The following SHROOM4 variants were observed in gnomAD, a reference collection of about 807,000 sequenced individuals.
The protein encoded by SHROOM4 is shroom family member 4, also known as protein Shroom4.
Under a neutral mutation model 80.3 loss-of-function variants are expected in SHROOM4, and 17 were observed. That is an observed-to-expected ratio of 0.21 (90% confidence interval 0.14 to 0.32). The LOEUF is 0.32. Among genes scored for constraint, SHROOM4 ranks in the 10% least tolerant of loss-of-function variants. SHROOM4 has a pLI of 1.00. For missense variants in SHROOM4, 993 were observed against 1,140.3 expected (o/e 0.87, Z 1.86); for synonymous variants, 400 against 437.5 (o/e 0.91, Z 1.07).
At chrX:50,670,614 G>T (rs1393515932) in intron 2 of SHROOM4, among the ~76,000 whole-genome samples, 2 of 111,305 alleles carry the variant, frequency 1.8e-5, no homozygotes, top group African/African-American at 6.5e-5. Context: ...TAATCCTTTG[G>T]GTATATACCC....
chrX:50,651,664 T>C (rs148798593), intron 2 of SHROOM4, among the ~76,000 whole-genome samples: 1,899 of 111,631 alleles, frequency 0.017, 39 homozygotes, highest in African/African-American at 0.059. Context: ...ACACGTGTCA[T>C]GGTGGTTTGA....
intron 1 of SHROOM4, among the ~76,000 whole-genome samples, chrX:50,726,287 G>A (rs1934241568): frequency 8.9e-6 from 1 of 112,348 alleles, no homozygotes; most frequent in Non-Finnish European, 1.9e-5. Flanking sequence ...TAAAAGGGAA[G>A]TAGAGCATAA....
chrX:50,796,453 G>C (rs782182644), intron 1 of SHROOM4, among the ~76,000 whole-genome samples: 2 of 111,498 alleles, frequency 1.8e-5, no homozygotes, highest in Non-Finnish European at 3.8e-5. Context: ...GAGGTGGGGA[G>C]ACACTGGGAA....
At chrX:50,689,234 G>A (rs1338038008) in intron 2 of SHROOM4, among the ~76,000 whole-genome samples, 1 of 111,349 alleles carries the variant, frequency 9.0e-6, no homozygotes, top group Non-Finnish European at 1.9e-5. Flanking sequence ...AAAAATGGAA[G>A]TGAAAGAATA....
At chrX:50,682,007 G>A (rs1932949139) in intron 2 of SHROOM4, among the ~76,000 whole-genome samples, 1 of 111,743 alleles carries the variant, frequency 8.9e-6, no homozygotes, top group Admixed American at 9.5e-5. Context: ...TAATTATTGA[G>A]TCATTTTTTT....
chrX:50,717,610 G>A (rs1391082303), intron 1 of SHROOM4, among the ~76,000 whole-genome samples: 1 of 111,729 alleles, frequency 9.0e-6, no homozygotes, highest in East Asian at 2.8e-4. Context: ...ACACACCAGT[G>A]TCTCTCTTGG....
the SHROOM4 span, among the ~76,000 whole-genome samples, chrX:50,578,015 C>T: frequency 8.9e-6 from 1 of 111,848 alleles, no homozygotes; most frequent in African/African-American, 3.3e-5. Context: ...CTACCTGGGG[C>T]TCTCCTTTCC....
chrX:50,731,919 T>C (rs1934380632), intron 1 of SHROOM4, among the ~76,000 whole-genome samples: 1 of 112,047 alleles, frequency 8.9e-6, no homozygotes, highest in African/African-American at 3.2e-5. Context: ...CTAATGAAGA[T>C]ACAGCCAAGA....
intron 5 of SHROOM4, among the ~76,000 whole-genome samples, chrX:50,618,978 A>G (rs969431367): frequency 1.8e-5 from 2 of 111,691 alleles, no homozygotes; most frequent in Non-Finnish European, 3.8e-5. Flanking sequence ...AGGAAAGCAG[A>G]GGAAGCATGA....
intron 2 of SHROOM4, among the ~76,000 whole-genome samples, chrX:50,670,114 T>A (rs1431576415): frequency 3.6e-5 from 4 of 111,378 alleles, no homozygotes; most frequent in Non-Finnish European, 7.5e-5. Flanking sequence ...TTTTTCTTTT[T>A]TTATTATTAT....
intron 1 of SHROOM4, among the ~76,000 whole-genome samples, chrX:50,739,703 G>C (rs1433686510): frequency 1.1e-5 from 1 of 88,120 alleles, no homozygotes; most frequent in Non-Finnish European, 2.2e-5. Flanking sequence ...AGAGGATGTG[G>C]AGAAATAGGA....
intron 1 of SHROOM4, among the ~76,000 whole-genome samples, chrX:50,719,152 G>A (rs907339261): frequency 4.5e-5 from 5 of 111,939 alleles, no homozygotes; most frequent in Non-Finnish European, 9.4e-5. Context: ...ATAGTCCTAG[G>A]AGGTCAGTAA....
chrX:50,711,716 G>C (rs1472408259), intron 1 of SHROOM4, among the ~76,000 whole-genome samples: 1 of 112,139 alleles, frequency 8.9e-6, no homozygotes, highest in Non-Finnish European at 1.9e-5. Context: ...TAGATTAGTA[G>C]AATCTAGGTG....
chrX:50,675,150 C>A (rs1932839535), intron 2 of SHROOM4, among the ~76,000 whole-genome samples: 1 of 111,207 alleles, frequency 9.0e-6, no homozygotes, highest in South Asian at 3.8e-4. Context: ...GAGAGGGGAA[C>A]AACACACACT....
chrX:50,781,082 AAG>A (rs1176214353), intron 1 of SHROOM4, among the ~76,000 whole-genome samples: 1 of 110,838 alleles, frequency 9.0e-6, no homozygotes, highest in Non-Finnish European at 1.9e-5. Flanking sequence ...CCAGCTAAAG[AAG>A]AGAGAGAGAG....
At chrX:50,654,147 G>A (rs1321069757) in intron 2 of SHROOM4, among the ~76,000 whole-genome samples, 2 of 111,651 alleles carry the variant, frequency 1.8e-5, no homozygotes, top group Non-Finnish European at 3.8e-5. Context: ...AGGTTCCAGG[G>A]ACAGGAATGT....
intron 4 of SHROOM4, 146 bp from the exon 5 acceptor site, chrX:50,627,821 G>A: frequency 2.0e-6 from 1 of 510,723 alleles, no homozygotes; most frequent in Non-Finnish European, 3.4e-6. Flanking sequence ...TGAGAAATTT[G>A]TACCTGGAGG....
At chrX:50,803,364 A>AATG (rs1308802889) in intron 1 of SHROOM4, among the ~76,000 whole-genome samples, 1 of 112,203 alleles carries the variant, frequency 8.9e-6, no homozygotes, top group African/African-American at 3.2e-5. Flanking sequence ...AATAAAATTT[A>AATG]ATGAATGAAT....
At chrX:50,602,966 T>A (rs1362580151) in intron 6 of SHROOM4, among the ~76,000 whole-genome samples, 153 bp from the exon 7 acceptor site, 6 of 112,145 alleles carry the variant, frequency 5.4e-5, no homozygotes, top group African/African-American at 1.9e-4. Flanking sequence ...ACAGGCCACA[T>A]GAAGGCAAAC....
Sources: gnomAD v4.1 joint callset for allele counts (sites outside exome capture counted in the v4.1 genomes callset) on GRCh38, gnomAD v4.1.1 for gene constraint, MANE v1.5 for transcripts, NCBI Gene and HGNC (gene_info 2026-07-23, HGNC 2026-07-21) for gene names.